Variants in TTLL5 observed in about 807,000 individuals in gnomAD.
The protein encoded by TTLL5 is tubulin polyglutamylase TTLL5.
In TTLL5, 132 loss-of-function variants were observed where a neutral mutation model predicts 168.4. The observed-to-expected ratio is 0.78, with a 90% confidence interval of 0.68 to 0.91. The LOEUF (loss-of-function observed/expected upper bound fraction) is 0.91, where lower values mean the gene tolerates loss of function less well. Among genes scored for constraint, TTLL5 ranks in the 40% least tolerant of loss-of-function variants. The pLI, the probability that TTLL5 is intolerant of heterozygous loss-of-function variation, is 0.00. For synonymous variants in TTLL5, 546 were observed against 558.6 expected (o/e 0.98, Z 0.32); for missense variants, 1,545 against 1,581.5 (o/e 0.98, Z 0.39).
rs375116827 is a variant in TTLL5 at position 75,783,116 on chromosome 14, A to G, written c.2603-31A>G. ...AGATTGTATGTTTGTTTTTCCTATA[A>G]TGATGTCTTGTTTTGTTTTGTTTTT... On this transcript the variant is annotated intron_variant, in intron 25 of 31. Transcript: ENST00000298832. The G allele has an allele frequency of 2.8e-5, 44 of 1,563,522 alleles. No individual in the cohort carries two copies. In the African/African-American group the frequency reaches 5.3e-4, roughly 19 times the overall value.
intron 31 of TTLL5, among the ~76,000 whole-genome samples, chr14:75,928,553 C>G (rs939647288): frequency 1.3e-5 from 2 of 151,764 alleles, no homozygotes; most frequent in Admixed American, 1.3e-4. Context: ...GAATTCCTCC[C>G]TCCCTCCCCT....
chr14:75,761,398 T>A (rs1890642059), intron 18 of TTLL5, among the ~76,000 whole-genome samples: 1 of 152,174 alleles, frequency 6.6e-6, no homozygotes, highest in South Asian at 2.1e-4. Context: ...CTTGTACAAA[T>A]AGGTTCATAG....
At chr14:75,806,073 G>C (rs1893636426) in intron 27 of TTLL5, among the ~76,000 whole-genome samples, 1 of 149,058 alleles carries the variant, frequency 6.7e-6, no homozygotes, top group African/African-American at 2.5e-5. Context: ...CTGTTGCTCA[G>C]ACTGGAGTGC....
chr14:75,745,472 A>C lies in TTLL5; in HGVS notation c.1396-18A>C. On this transcript the variant is annotated intron_variant, in intron 16 of 31. Coordinates refer to ENST00000298832, the MANE Select transcript of TTLL5 (RefSeq NM_015072.5). ...GGTTTTCAAAATAGGTACTCATTTT[A>C]TCTTATTTTTCATCTAGATCAAAGT... is the stretch of plus-strand genomic sequence containing the variant. 1 of 1,613,326 alleles carries C rather than the reference A, an allele frequency of 6.2e-7. No individual in the cohort carries two copies. The highest frequency in any genetic ancestry group is 8.5e-7 in the Non-Finnish European group (1 of 1,179,342).
intron 28 of TTLL5, among the ~76,000 whole-genome samples, chr14:75,844,930 C>A (rs1263276978): frequency 2.6e-5 from 4 of 152,246 alleles, no homozygotes; most frequent in African/African-American, 9.6e-5. Context: ...TACCAGCTTT[C>A]ATTACAGCAT....
chr14:75,670,550 T>C (rs1883661361), intron 3 of TTLL5, among the ~76,000 whole-genome samples: 1 of 152,226 alleles, frequency 6.6e-6, no homozygotes, highest in Non-Finnish European at 1.5e-5. Flanking sequence ...CGTATAGGGG[T>C]TCCAGTTTCT....
intron 28 of TTLL5, among the ~76,000 whole-genome samples, chr14:75,860,240 T>C (rs1474422486): frequency 6.6e-6 from 1 of 152,150 alleles, no homozygotes; most frequent in African/African-American, 2.4e-5. Flanking sequence ...GACCCCCACC[T>C]CATATTCACA....
intron 10 of TTLL5, among the ~76,000 whole-genome samples, chr14:75,719,314 A>G (rs570976854): frequency 3.3e-5 from 5 of 152,334 alleles, no homozygotes; most frequent in African/African-American, 9.6e-5. Context: ...TCACTCACCC[A>G]TTCCAACTCA....
chr14:75,675,868 A>C, intron 3 of TTLL5, among the ~76,000 whole-genome samples: 1 of 152,154 alleles, frequency 6.6e-6, no homozygotes, highest in Non-Finnish European at 1.5e-5. Context: ...ATGTTGTTAT[A>C]AGGTTATTGG....
intron 31 of TTLL5, among the ~76,000 whole-genome samples, chr14:75,914,625 T>G (rs1294616332): frequency 2.1e-5 from 3 of 144,168 alleles, no homozygotes; most frequent in South Asian, 4.6e-4. Flanking sequence ...TCTTGTTTTT[T>G]TTTTTTTTTT....
At chr14:75,949,686 T>G (rs1279440956) in intron 31 of TTLL5, among the ~76,000 whole-genome samples, 1 of 151,540 alleles carries the variant, frequency 6.6e-6, no homozygotes, top group African/African-American at 2.4e-5. Context: ...CCGTCTCTAC[T>G]AAAAATGCAA....
At chr14:75,858,491 G>A (rs1897244747) in intron 28 of TTLL5, among the ~76,000 whole-genome samples, 1 of 152,196 alleles carries the variant, frequency 6.6e-6, no homozygotes, top group Non-Finnish European at 1.5e-5. Context: ...GTATGTAATA[G>A]TTGTCTCAAG....
chr14:75,693,321 G>T (rs1003121249), intron 6 of TTLL5, among the ~76,000 whole-genome samples: 1 of 152,182 alleles, frequency 6.6e-6, no homozygotes, highest in Non-Finnish European at 1.5e-5. Context: ...CCTCTGCAGG[G>T]CCTTTGAAAG....
intron 6 of TTLL5, among the ~76,000 whole-genome samples, chr14:75,697,989 A>T (rs1355176713): frequency 6.6e-6 from 1 of 152,130 alleles, no homozygotes; most frequent in Non-Finnish European, 1.5e-5. Context: ...CTCTTCCTTC[A>T]TTGAAGAAAA....
At chr14:75,779,551 C>T in intron 23 of TTLL5, 24 bp from the exon 24 acceptor site, 1 of 1,608,536 alleles carries the variant, frequency 6.2e-7, no homozygotes. Context: ...TCCTGTCTGA[C>T]CATACTTTTT....
At chr14:75,906,261 G>A (rs1033621696) in intron 31 of TTLL5, among the ~76,000 whole-genome samples, 9 of 152,148 alleles carry the variant, frequency 5.9e-5, no homozygotes, top group Admixed American at 2.0e-4. Context: ...TTTTCACCAC[G>A]TGTTGTATAG....
chr14:75,709,431 G>C, intron 9 of TTLL5: 2 of 476,258 alleles, frequency 4.2e-6, no homozygotes, highest in Non-Finnish European at 3.8e-6. Flanking sequence ...TATAAGTCCT[G>C]TCATATTCTT....
intron 27 of TTLL5, among the ~76,000 whole-genome samples, chr14:75,817,120 C>T (rs941262599): frequency 4.6e-5 from 7 of 151,650 alleles, no homozygotes; most frequent in African/African-American, 1.7e-4. Context: ...GCTGGGACTA[C>T]AGGCTCACAC....
In TTLL5 at chr14:75,823,538, A is replaced by T. The variant is rs138887956; in HGVS notation, c.3326+3377A>T. On this transcript the variant is annotated intron_variant, in intron 28 of 31. Coordinates refer to ENST00000298832, the MANE Select transcript of TTLL5 (RefSeq NM_015072.5). ...TTTCCAGTCCAGCCCTTCCTTGTGG[A>T]TCGAGCTGTCAGGGAATCCCACGAA... 4.1e-3 allele frequency among the ~76,000 whole-genome samples: 624 copies of T among 152,242 alleles called. 3 individuals are homozygous for T. The highest frequency in any genetic ancestry group is 0.014 in the East Asian group (75 of 5,180).
Sources: allele counts gnomAD v4.1 joint callset (sites outside exome capture counted in the v4.1 genomes callset), GRCh38; gene constraint gnomAD v4.1.1; transcripts MANE v1.5; gene names NCBI Gene and HGNC (gene_info 2026-07-23, HGNC 2026-07-21).